Variants in LYST observed in about 807,000 individuals in gnomAD.
LYST encodes the protein lysosomal-trafficking regulator.
Under a neutral mutation model 413.6 loss-of-function variants are expected in LYST, and 192 were observed. That is an observed-to-expected ratio of 0.46 (90% CI 0.41 to 0.52). LYST has a LOEUF of 0.52. Among genes scored for constraint, LYST ranks in the 20% least tolerant of loss-of-function variants. LYST has a pLI of 0.00. For synonymous variants in LYST, 1,525 were observed against 1,567.3 expected (o/e 0.97, Z 0.64); for missense variants, 3,815 against 4,499.9 (o/e 0.85, Z 4.35).
At chr1:235,758,120 AT>A (rs928120609) in intron 23 of LYST, among the ~76,000 whole-genome samples, 2 of 152,088 alleles carry the variant, frequency 1.3e-5, no homozygotes, top group African/African-American at 2.4e-5. Context: ...GTGAAAGGAG[AT>A]TTTTTTCATA....
chr1:235,834,965 A>C (rs557562700), intron 1 of LYST, among the ~76,000 whole-genome samples: 1 of 151,960 alleles, frequency 6.6e-6, no homozygotes, highest in East Asian at 1.9e-4. Context: ...CCCAGGCTTG[A>C]GTGCAGTGGC....
chr1:235,744,036 G>A lies in LYST; in HGVS notation c.8094C>T (p.Phe2698=), dbSNP rs755227090. ...TAAAAATTTCTTTCTGAAATGGATT[G>A]AAAACAGAAGACTGTTCATGATGAA... ...ENIHHEQSSV[F]NPFQKEIFTY... The change falls in exon 30 of 53, where the codon TTC becomes TTT. Residue 2698 remains phenylalanine, a synonymous_variant. Transcript: ENST00000389793. 1 of 1,573,854 alleles carries A rather than the reference G, an allele frequency of 6.4e-7. No homozygotes were observed. The highest frequency in any genetic ancestry group is 8.7e-7 in the Non-Finnish European group (1 of 1,144,462).
intron 26 of LYST, 131 bp from the exon 27 acceptor site, chr1:235,752,302 CA>C (rs1443812039): frequency 7.6e-6 from 5 of 654,362 alleles, no homozygotes; most frequent in Non-Finnish European, 1.3e-5. Flanking sequence ...TGCAGTCATT[CA>C]GTATTTATTC....
In LYST at chr1:235,809,861, C is replaced by T. The variant is rs1342069351; in HGVS notation, c.957G>A (p.Pro319=). 4.3e-6 allele frequency: 7 copies of T among 1,613,944 alleles called. No homozygotes were observed. The East Asian group carries it at 6.7e-5, about 15-fold the overall frequency. Residue 319 remains proline (P), a synonymous_variant, in exon 5 of 53, where the codon CCG becomes CCA. Transcript: ENST00000389793. This position sits in a 1 kb window ranked among gnomAD's most constrained non-coding sequence, Gnocchi z 4.0. ...RVVSAGWTEE[P]VALIQRMLFR... is the part of the protein sequence containing the mutation. ...AGAGCATCCTTTGAATCAAAGCCAC[C>T]GGTTCTTCGGTCCAACCTGCAGAAA...
chr1:235,778,144 T>G (rs1368192260), intron 16 of LYST, among the ~76,000 whole-genome samples: 2 of 147,372 alleles, frequency 1.4e-5, no homozygotes, highest in African/African-American at 5.3e-5. Flanking sequence ...CATGGTCTTG[T>G]TATGTTGCCC....
chr1:235,673,757 C>G (rs567319368), intron 50 of LYST, among the ~76,000 whole-genome samples: 1 of 152,324 alleles, frequency 6.6e-6, no homozygotes, highest in Non-Finnish European at 1.5e-5. Flanking sequence ...CTTCCCCAAG[C>G]CCATCCAATC....
chr1:235,882,563 A>C (rs1237752053), intron 1 of LYST, among the ~76,000 whole-genome samples: 1 of 152,202 alleles, frequency 6.6e-6, no homozygotes, highest in Non-Finnish European at 1.5e-5. Flanking sequence ...CAGTAGCCCA[A>C]GAGAAAGATG....
intron 44 of LYST, among the ~76,000 whole-genome samples, 157 bp downstream of exon 44, chr1:235,708,934 G>A (rs532746265): frequency 6.6e-6 from 1 of 152,288 alleles, no homozygotes; most frequent in African/African-American, 2.4e-5. Context: ...TTAAAGAGAG[G>A]AAATATAAAA....
chr1:235,801,504 G>A (rs1187798486), intron 8 of LYST, among the ~76,000 whole-genome samples: 19 of 152,034 alleles, frequency 1.2e-4, no homozygotes, highest in Admixed American at 1.2e-3. Flanking sequence ...GTGGTTGGAA[G>A]AATGATCAAT....
rs904362034 is a variant in LYST, at chr1:235,814,058, C to T, written c.193-997G>A. Reference sequence around the variant, plus strand: ...ATATTTGAGAAACTGTAAGGTAGAACTAAAATAACTTGCAGTTGATTATCT... The same window carrying T: ...ATATTTGAGAAACTGTAAGGTAGAATTAAAATAACTTGCAGTTGATTATCT... On this transcript the variant is annotated intron_variant, in intron 3 of 52. Coordinates refer to ENST00000389793, the MANE Select transcript of LYST (RefSeq NM_000081.4). 1.5e-4 allele frequency among the ~76,000 whole-genome samples: 23 copies of T among 152,048 alleles called. 1 individual carries two copies. The highest frequency in any genetic ancestry group is 8.8e-5 in the Non-Finnish European group (6 of 68,012).
intron 40 of LYST, among the ~76,000 whole-genome samples, chr1:235,718,149 C>A (rs1472856241): frequency 6.6e-6 from 1 of 151,924 alleles, no homozygotes; most frequent in Non-Finnish European, 1.5e-5. Context: ...CAGGCGTGAG[C>A]CACCACGCCT....
intron 50 of LYST, among the ~76,000 whole-genome samples, chr1:235,671,873 A>G (rs1263974858): frequency 6.6e-6 from 1 of 152,228 alleles, no homozygotes; most frequent in African/African-American, 2.4e-5. Context: ...TGAAAGTTAG[A>G]CTGAAAAAGA....
At chr1:235,682,408 G>A (rs723716) in intron 48 of LYST, among the ~76,000 whole-genome samples, 52 of 152,310 alleles carry the variant, frequency 3.4e-4, no homozygotes, top group African/African-American at 1.3e-3. Flanking sequence ...GACATGGAGA[G>A]GAAGCCCCAG....
At chr1:235,701,751 T>C (rs1038380147) in intron 45 of LYST, among the ~76,000 whole-genome samples, 2 of 152,260 alleles carry the variant, frequency 1.3e-5, no homozygotes, top group African/African-American at 4.8e-5. Context: ...TAGTTTTCTA[T>C]TATGAAACTC....
intron 1 of LYST, among the ~76,000 whole-genome samples, chr1:235,855,824 C>A (rs779938833): frequency 3.3e-5 from 5 of 151,994 alleles, no homozygotes; most frequent in African/African-American, 4.8e-5. Context: ...CCTCTTATTT[C>A]ATAATTCTTA....
intron 12 of LYST, 183 bp downstream of exon 12, chr1:235,791,514 TAG>T: frequency 1.6e-6 from 1 of 610,346 alleles, no homozygotes; most frequent in Non-Finnish European, 2.9e-6. Flanking sequence ...GTTTCCGTAA[TAG>T]AGATTCAAGG....
At chr1:235,817,442 T>C (rs1674282862) in intron 3 of LYST, among the ~76,000 whole-genome samples, 1 of 152,230 alleles carries the variant, frequency 6.6e-6, no homozygotes. Context: ...ACCACAGCAC[T>C]ATTCACAATA....
rs548350139 is a variant in LYST, at chr1:235,741,658, G to A, written c.8152-30C>T. On this transcript the variant is annotated intron_variant, in intron 30 of 52. Coordinates refer to ENST00000389793, the MANE Select transcript of LYST (RefSeq NM_000081.4). ...AATCAATCAAGATAGGAATGAATTA[G>A]GATCAGACTGCTTAAGCAATACCAT... 2.1e-5 allele frequency: 32 copies of A among 1,504,364 alleles called. No individual in the cohort carries two copies. The Admixed American group carries it at 5.4e-4, about 25-fold the overall frequency. 93.2% of individuals were successfully genotyped at this position (1,504,364 alleles called of 1,614,324 possible).
At chr1:235,862,335 G>A (rs755297498) in intron 1 of LYST, among the ~76,000 whole-genome samples, 4 of 152,174 alleles carry the variant, frequency 2.6e-5, no homozygotes, top group Non-Finnish European at 5.9e-5. Flanking sequence ...TCAGTTACCT[G>A]AGGTCAACTG....
Sources: gnomAD v4.1 joint callset for allele counts (sites outside exome capture counted in the v4.1 genomes callset) on GRCh38, gnomAD v4.1.1 for gene constraint, Gnocchi (gnomAD v3.1) non-coding constraint, MANE v1.5 for transcripts, NCBI Gene and HGNC (gene_info 2026-07-23, HGNC 2026-07-21) for gene names.